RBFOX1: variants seen among roughly 807,000 people sequenced by gnomAD.
RBFOX1 encodes RNA binding protein fox-1 homolog 1.
A neutral mutation model predicts 57.7 loss-of-function variants in RBFOX1; 8 were observed. That is an observed-to-expected ratio of 0.14 (90% CI 0.08 to 0.25). The LOEUF is 0.25. Ranked by LOEUF, RBFOX1 falls within the 10% of genes least tolerant of loss-of-function variation. The pLI is 1.00. For synonymous variants in RBFOX1, 326 were observed against 222.4 expected (o/e 1.47, Z -4.15); for missense variants, 611 against 548.5 (o/e 1.11, Z -1.14).
intron 4 of RBFOX1, among the ~76,000 whole-genome samples, chr16:7,399,852 C>T (rs1227821938): frequency 2.0e-5 from 3 of 152,126 alleles, no homozygotes; most frequent in Non-Finnish European, 4.4e-5. Flanking sequence ...CAATCTACTG[C>T]CATTTTATTG....
At chr16:6,866,539 C>CTTTTTT (rs1161474639) in intron 3 of RBFOX1, among the ~76,000 whole-genome samples, 1 of 49,090 alleles carries the variant, frequency 2.0e-5, no homozygotes, top group African/African-American at 1.2e-4. Context: ...TTCTTTCCTT[C>CTTTTTT]TATTTTTTTT....
chr16:6,945,725 T>A (rs2079372037), intron 3 of RBFOX1, among the ~76,000 whole-genome samples: 1 of 152,124 alleles, frequency 6.6e-6, no homozygotes, highest in Non-Finnish European at 1.5e-5. Flanking sequence ...AACCCGTCTC[T>A]ACTAAAAATA....
chr16:6,837,752 A>T (rs1443983184), intron 3 of RBFOX1, among the ~76,000 whole-genome samples: 2 of 152,196 alleles, frequency 1.3e-5, no homozygotes, highest in African/African-American at 4.8e-5. Flanking sequence ...AATGTCCATG[A>T]ATACTTAAAA....
intron 4 of RBFOX1, among the ~76,000 whole-genome samples, chr16:5,934,563 C>G (rs182269435): frequency 6.6e-6 from 1 of 152,284 alleles, no homozygotes; most frequent in African/African-American, 2.4e-5. Context: ...GCAGTATGGA[C>G]AGATCCCGCC....
intron 6 of RBFOX1, among the ~76,000 whole-genome samples, 158 bp downstream of exon 6, chr16:7,580,078 T>G (rs1397753099): frequency 6.6e-6 from 1 of 152,188 alleles, no homozygotes; most frequent in East Asian, 1.9e-4. Flanking sequence ...GGCTAGAATC[T>G]CTTTATGGTT....
At chr16:6,450,911 A>G (rs1314733870) in intron 2 of RBFOX1, among the ~76,000 whole-genome samples, 2 of 129,682 alleles carry the variant, frequency 1.5e-5, no homozygotes, top group South Asian at 2.5e-4. Context: ...CTTCTTTATA[A>G]CCCCTGAATA....
chr16:7,057,572 T>G (rs2153741902), intron 4 of RBFOX1, among the ~76,000 whole-genome samples: 1 of 152,340 alleles, frequency 6.6e-6, no homozygotes, highest in Admixed American at 6.5e-5. Flanking sequence ...GGAGCCTGAT[T>G]GGCTTAGTCT....
chr16:5,286,871 G>A (rs1016061594), intron 1 of RBFOX1, among the ~76,000 whole-genome samples: 1 of 152,218 alleles, frequency 6.6e-6, no homozygotes, highest in Non-Finnish European at 1.5e-5. Context: ...TATACAAACA[G>A]TCAGAGGGCC....
At chr16:6,842,802 C>G (rs1192888913) in intron 3 of RBFOX1, among the ~76,000 whole-genome samples, 2 of 151,970 alleles carry the variant, frequency 1.3e-5, no homozygotes, top group African/African-American at 4.8e-5. Flanking sequence ...GGTATTTGTC[C>G]TAATGCTCTC....
chr16:5,941,494 A>G (rs79226680), intron 4 of RBFOX1, among the ~76,000 whole-genome samples: 72 of 146,720 alleles, frequency 4.9e-4, no homozygotes, highest in Non-Finnish European at 9.2e-4. Context: ...TATCTCAAGG[A>G]AAAAAAAAAA....
chr16:7,013,386 T>G (rs17142006), intron 3 of RBFOX1, among the ~76,000 whole-genome samples: 3,438 of 152,272 alleles, frequency 0.023, 138 homozygotes, highest in African/African-American at 0.078. Context: ...TTGCCCACTT[T>G]CTGACCCAGA....
intron 4 of RBFOX1, among the ~76,000 whole-genome samples, chr16:7,159,152 A>G (rs571981523): frequency 1.3e-5 from 2 of 152,258 alleles, no homozygotes; most frequent in Admixed American, 6.5e-5. Flanking sequence ...TTTTCTCTGC[A>G]TACTGCCCTG....
At chr16:6,885,319 A>G (rs2063767427) in intron 3 of RBFOX1, among the ~76,000 whole-genome samples, 1 of 152,186 alleles carries the variant, frequency 6.6e-6, no homozygotes, top group South Asian at 2.1e-4. Context: ...AAACTGAGTC[A>G]GAAGCTCTAG....
At chr16:6,672,514 T>A (rs1484863156) in intron 3 of RBFOX1, among the ~76,000 whole-genome samples, 5 of 138,620 alleles carry the variant, frequency 3.6e-5, no homozygotes, top group Admixed American at 7.2e-5. Context: ...GGAAGGAAGA[T>A]GGGAGAAAAA....
At chr16:6,866,489 A>G (rs986912572) in intron 3 of RBFOX1, among the ~76,000 whole-genome samples, 7 of 148,050 alleles carry the variant, frequency 4.7e-5, no homozygotes, top group African/African-American at 1.5e-4. Flanking sequence ...AGTGTGTTTC[A>G]CAAAGGACTT....
chr16:6,331,342 G>A (rs1203039202), intron 2 of RBFOX1, among the ~76,000 whole-genome samples: 2 of 152,062 alleles, frequency 1.3e-5, no homozygotes, highest in African/African-American at 2.4e-5. Context: ...AGCTACTGGG[G>A]AGGCTGAGGC....
intron 4 of RBFOX1, among the ~76,000 whole-genome samples, chr16:7,093,959 T>A (rs1284622875): frequency 4.0e-5 from 6 of 151,888 alleles, no homozygotes; most frequent in African/African-American, 1.2e-4. Flanking sequence ...ATAATTTTTT[T>A]AAACAAAACC....
intron 2 of RBFOX1, among the ~76,000 whole-genome samples, chr16:6,558,145 G>C (rs926741053): frequency 6.6e-6 from 1 of 152,086 alleles, no homozygotes; most frequent in African/African-American, 2.4e-5. Flanking sequence ...AAAAAATATC[G>C]GTTGCCCAGA....
intron 2 of RBFOX1, chr16:6,483,107 C>G: frequency 2.0e-6 from 2 of 1,018,222 alleles, no homozygotes; most frequent in Non-Finnish European, 2.3e-6. Context: ...GGGACCCACG[C>G]AGCCCCAGTA....
Sources: gnomAD v4.1 joint callset for allele counts (sites outside exome capture counted in the v4.1 genomes callset) on GRCh38, gnomAD v4.1.1 for gene constraint, MANE v1.5 for transcripts, NCBI Gene and HGNC (gene_info 2026-07-23, HGNC 2026-07-21) for gene names.